Variants in LARS2 observed in about 807,000 individuals in gnomAD.
LARS2 encodes leucyl-tRNA synthetase 2, mitochondrial, also known as leucine--tRNA ligase, mitochondrial.
In LARS2, 81 loss-of-function variants were observed where a neutral mutation model predicts 116.6. The observed-to-expected ratio is 0.69, with a 90% CI of 0.58 to 0.84. The LOEUF (loss-of-function observed/expected upper bound fraction) is 0.84, where lower values mean the gene tolerates loss of function less well. Ranked by LOEUF, LARS2 falls within the 40% of genes least tolerant of loss-of-function variation. The pLI is 0.00. For missense variants in LARS2, 968 were observed against 1,114.5 expected (o/e 0.87, Z 1.87); for synonymous variants, 396 against 407.2 (o/e 0.97, Z 0.33).
At position 45,467,752 on chromosome 3, in the gene LARS2, C is replaced by T. The variant is rs150437558; in HGVS notation, c.751-6491C>T. Among the ~76,000 whole-genome samples, 38 of 152,220 alleles carry T rather than the reference C, an allele frequency of 2.5e-4. No individual in the cohort carries two copies. The East Asian group carries it at 7.1e-3, about 29-fold the overall frequency. On this transcript the variant is annotated intron_variant, in intron 8 of 21. Transcript: ENST00000645846. ...ATAGTCATCTCCCTGGGTATTTTGA[C>T]CAATTGTGGGTAATTGTTAATTTTC... is the stretch of plus-strand genomic sequence containing the variant.
At position 45,395,339 on chromosome 3, in the gene LARS2, A is replaced by G. The variant is rs1698027141; in HGVS notation, c.234+652A>G. Among the ~76,000 whole-genome samples the G allele has an allele frequency of 2.0e-5, 3 of 152,350 alleles. No individual in the cohort carries two copies. In the South Asian group the frequency reaches 6.2e-4, roughly 32 times the overall value. ...TGGACCCTTGGCTTCTGCACCAGGT[A>G]CACCAGCTCGGCACTCTACCTGAAT... On this transcript the variant is annotated intron_variant, in intron 3 of 21. Transcript: ENST00000645846.
chr3:45,485,678 G>C lies in LARS2; in HGVS notation c.1019-14G>C, dbSNP rs368387610. The C allele has an allele frequency of 6.7e-7, 1 of 1,484,500 alleles. No homozygotes were observed. The highest frequency in any genetic ancestry group is 1.4e-5 in the African/African-American group (1 of 72,818). 92.0% of individuals were successfully genotyped at this position (1,484,500 alleles called of 1,614,324 possible). On this transcript the variant is annotated splice_polypyrimidine_tract_variant and intron_variant, in intron 10 of 21. Coordinates refer to ENST00000645846, the MANE Select transcript of LARS2 (RefSeq NM_015340.4). ...AGTTGAGTGGCATCCACAGTTATTT[G>C]CTCTCATTTTCAGATTGCCTCACGC...
chr3:45,451,305 A>G (rs964593340), intron 7 of LARS2, among the ~76,000 whole-genome samples: 3 of 150,970 alleles, frequency 2.0e-5, no homozygotes, highest in African/African-American at 7.3e-5. Flanking sequence ...GCATTTCCCT[A>G]ATGTTTTATT....
chr3:45,494,660 C>G (rs1357370573), intron 13 of LARS2, among the ~76,000 whole-genome samples: 1 of 152,216 alleles, frequency 6.6e-6, no homozygotes, highest in Non-Finnish European at 1.5e-5. Context: ...AGCTAATCCC[C>G]GTCCTGTGCT....
At chr3:45,493,301 G>A (rs569842498) in intron 13 of LARS2, among the ~76,000 whole-genome samples, 4 of 152,144 alleles carry the variant, frequency 2.6e-5, no homozygotes, top group African/African-American at 9.7e-5. Context: ...GGGTTTCACC[G>A]TGTTAGCCAG....
chr3:45,400,176 A>G, intron 3 of LARS2, 69 bp from the exon 4 acceptor site: 6 of 1,395,176 alleles, frequency 4.3e-6, no homozygotes, highest in Non-Finnish European at 5.8e-6. Flanking sequence ...GTAAAATGCC[A>G]AAATATTATG....
chr3:45,467,546 C>A (rs1265709862), intron 8 of LARS2, among the ~76,000 whole-genome samples: 1 of 152,072 alleles, frequency 6.6e-6, no homozygotes, highest in Non-Finnish European at 1.5e-5. Flanking sequence ...TTTTATCAAT[C>A]CTGACATGAT....
At position 45,400,309 on chromosome 3, in the gene LARS2, GCCATGTGCGTGTCTACA is replaced by G; in HGVS notation, c.304_320del (p.Val102GlnfsTer29). The G allele has an allele frequency of 6.2e-7, 1 of 1,613,494 alleles. No homozygotes were observed. Among genetic ancestry groups the G allele is most frequent in the Non-Finnish European group, 8.5e-7 (1 of 1,179,484 alleles). Reference sequence around the variant, plus strand: ...TATCCTTCTGGTAAGCTGCACATGGGCCATGTGCGTGTCTACACCATCAGCGACACCATAGCACGGTT... The same window carrying G: ...TATCCTTCTGGTAAGCTGCACATGGGCCATCAGCGACACCATAGCACGGTT... On this transcript the variant is annotated frameshift_variant, in exon 4 of 22. Transcript: ENST00000645846. LOFTEE classifies it high-confidence loss of function.
chr3:45,456,930 G>C (rs1699222861), intron 7 of LARS2, among the ~76,000 whole-genome samples: 1 of 152,180 alleles, frequency 6.6e-6, no homozygotes, highest in Non-Finnish European at 1.5e-5. Context: ...ACATGTCTCT[G>C]GATCAGTCAG....
intron 21 of LARS2, among the ~76,000 whole-genome samples, chr3:45,546,059 C>A (rs1385619063): frequency 2.0e-5 from 3 of 152,186 alleles, no homozygotes; most frequent in East Asian, 1.9e-4. Flanking sequence ...CATGCTCCCC[C>A]TCACCCAGCA....
intron 8 of LARS2, 118 bp downstream of exon 8, chr3:45,459,004 C>G (rs978329541): frequency 2.0e-6 from 2 of 1,000,920 alleles, no homozygotes; most frequent in African/African-American, 3.2e-5. Flanking sequence ...GGGCTGGGAG[C>G]CATGGATGTA....
intron 4 of LARS2, among the ~76,000 whole-genome samples, chr3:45,403,547 C>G (rs1698188730): frequency 6.6e-6 from 1 of 152,156 alleles, no homozygotes; most frequent in South Asian, 2.1e-4. Flanking sequence ...AACTCCTGAC[C>G]TCAGATGATC....
chr3:45,535,190 A>T (rs1275262701), intron 20 of LARS2, among the ~76,000 whole-genome samples: 1 of 152,118 alleles, frequency 6.6e-6, no homozygotes, highest in African/African-American at 2.4e-5. Context: ...TCTACTAAAA[A>T]AATACAAAAA....
intron 21 of LARS2, among the ~76,000 whole-genome samples, chr3:45,547,091 G>A (rs1700886580): frequency 6.6e-6 from 1 of 152,190 alleles, no homozygotes. Flanking sequence ...AAAATGCAAG[G>A]CGGTCCTCAC....
chr3:45,409,705 T>G (rs1698296851), intron 4 of LARS2, among the ~76,000 whole-genome samples: 1 of 152,220 alleles, frequency 6.6e-6, no homozygotes, highest in Non-Finnish European at 1.5e-5. Context: ...AGAGACCCTT[T>G]CCAATTTTGT....
intron 13 of LARS2, 148 bp from the exon 14 acceptor site, chr3:45,496,127 G>A: frequency 1.6e-6 from 1 of 609,234 alleles, no homozygotes. Context: ...CCAAAGTGCT[G>A]GGATTACAAG....
At chr3:45,426,674 C>T (rs1045055245) in intron 6 of LARS2, among the ~76,000 whole-genome samples, 1 of 152,076 alleles carries the variant, frequency 6.6e-6, no homozygotes, top group Non-Finnish European at 1.5e-5. Context: ...GGAGCTGTGC[C>T]CACTCTGTGC....
intron 4 of LARS2, among the ~76,000 whole-genome samples, chr3:45,416,985 A>G (rs1698433116): frequency 6.6e-6 from 1 of 151,896 alleles, no homozygotes; most frequent in Non-Finnish European, 1.5e-5. Flanking sequence ...GATGCAGGAG[A>G]ATCGCTTGAA....
At chr3:45,529,742 A>G (rs990498198) in intron 20 of LARS2, among the ~76,000 whole-genome samples, 31 of 152,344 alleles carry the variant, frequency 2.0e-4, no homozygotes, top group Middle Eastern at 3.4e-3. Flanking sequence ...ATGAGCAGAT[A>G]TTATGATTCC....
Sources: allele counts gnomAD v4.1 joint callset (sites outside exome capture counted in the v4.1 genomes callset), GRCh38; gene constraint gnomAD v4.1.1; transcripts MANE v1.5; gene names NCBI Gene and HGNC (gene_info 2026-07-23, HGNC 2026-07-21).